ENOPH1: variants seen among roughly 807,000 people sequenced by gnomAD.
The protein encoded by ENOPH1 is enolase-phosphatase 1.
In ENOPH1, 14 loss-of-function variants were observed where a neutral mutation model predicts 31.1. That is an observed-to-expected ratio of 0.45 (90% CI 0.30 to 0.70). The LOEUF is 0.70. Among genes scored for constraint, ENOPH1 ranks in the 30% least tolerant of loss-of-function variants. ENOPH1 has a pLI of 0.09. For synonymous variants in ENOPH1, 127 were observed against 123.2 expected, an observed-to-expected ratio of 1.03 and a Z score of -0.21; for missense variants, 243 against 321.5, an observed-to-expected ratio of 0.76 and a Z score of 1.87.
intron 2 of ENOPH1, among the ~76,000 whole-genome samples, chr4:82,448,963 C>T (rs1722270954): frequency 6.8e-6 from 1 of 146,646 alleles, no homozygotes; most frequent in Non-Finnish European, 1.5e-5. Flanking sequence ...GAGGCTGAGG[C>T]AGGAGAATGG....
intron 1 of ENOPH1, among the ~76,000 whole-genome samples, chr4:82,433,788 A>G (rs1175740188): frequency 6.6e-6 from 1 of 152,234 alleles, no homozygotes; most frequent in Non-Finnish European, 1.5e-5. Flanking sequence ...TCACAAATCT[A>G]CTTGAACAAA....
chr4:82,449,682 A>G (rs1722296436), intron 2 of ENOPH1, among the ~76,000 whole-genome samples: 1 of 152,202 alleles, frequency 6.6e-6, no homozygotes, highest in South Asian at 2.1e-4. Flanking sequence ...TTACATTTCA[A>G]TGTGCAATTT....
chr4:82,439,459 G>A (rs1368179745), intron 1 of ENOPH1, among the ~76,000 whole-genome samples: 3 of 152,202 alleles, frequency 2.0e-5, no homozygotes, highest in Non-Finnish European at 4.4e-5. Flanking sequence ...GACTGGTCTT[G>A]TATGGGTCCA....
At chr4:82,431,837 C>G (rs1221811705) in intron 1 of ENOPH1, among the ~76,000 whole-genome samples, 1 of 152,042 alleles carries the variant, frequency 6.6e-6, no homozygotes, top group Non-Finnish European at 1.5e-5. Flanking sequence ...AAAAATCCAT[C>G]TTCCAAGAAA....
intron 1 of ENOPH1, among the ~76,000 whole-genome samples, chr4:82,441,133 G>A (rs1174997609): frequency 2.0e-5 from 3 of 152,204 alleles, no homozygotes; most frequent in Non-Finnish European, 2.9e-5. Context: ...AAAGCTTGGT[G>A]TATTAGTCTG....
chr4:82,443,410 C>CAA (rs141987709), intron 1 of ENOPH1, among the ~76,000 whole-genome samples: 1 of 139,544 alleles, frequency 7.2e-6, no homozygotes, highest in African/African-American at 2.6e-5. Context: ...GCACTCCGTC[C>CAA]AAAAAAAAAA....
At chr4:82,443,264 C>G (rs1208987816) in intron 1 of ENOPH1, among the ~76,000 whole-genome samples, 1 of 151,492 alleles carries the variant, frequency 6.6e-6, no homozygotes, top group Non-Finnish European at 1.5e-5. Context: ...TGGCGAAACC[C>G]CATCTCTACT....
At chr4:82,446,595 T>A (rs1722190044) in intron 1 of ENOPH1, among the ~76,000 whole-genome samples, 1 of 149,924 alleles carries the variant, frequency 6.7e-6, no homozygotes, top group Non-Finnish European at 1.5e-5. Context: ...GAAGCCTGAC[T>A]GGGAAAGAAA....
In ENOPH1 at chr4:82,460,416, C is replaced by A. The variant is rs532635883; in HGVS notation, c.*296C>A. 49 of 221,882 alleles carry A rather than the reference C, an allele frequency of 2.2e-4. No individual in the cohort carries two copies. The highest frequency in any genetic ancestry group is 1.0e-3 in the African/African-American group (45 of 44,214). The allele number at this position is 221,882 out of a possible 1,614,324, so 13.7% of individuals were successfully genotyped here. ...GTAGAAGAAATTGCTAAATACCTAT[C>A]TAATGTGCTATGTTTATCAAATCGT... is the stretch of plus-strand genomic sequence containing the variant. On this transcript the variant is annotated 3_prime_UTR_variant, in exon 6 of 6. Transcript: ENST00000273920.
At chr4:82,451,378 A>G (rs931408736) in intron 3 of ENOPH1, 133 bp downstream of exon 3, 15 of 882,588 alleles carry the variant, frequency 1.7e-5, no homozygotes, top group African/African-American at 1.5e-4. Context: ...TTAGTCTAAC[A>G]AGTGAGCTTT....
chr4:82,456,647 T>C (rs1722498635), intron 4 of ENOPH1, among the ~76,000 whole-genome samples: 1 of 152,234 alleles, frequency 6.6e-6, no homozygotes, highest in South Asian at 2.1e-4. Flanking sequence ...TTAAACTATT[T>C]CAGATGTAAA....
chr4:82,440,428 T>G (rs1371664747), intron 1 of ENOPH1, among the ~76,000 whole-genome samples: 1 of 152,210 alleles, frequency 6.6e-6, no homozygotes, highest in Non-Finnish European at 1.5e-5. Flanking sequence ...TGGGATTTGA[T>G]AGGCCTGGGT....
At chr4:82,451,364 C>G in intron 3 of ENOPH1, 119 bp downstream of exon 3, 1 of 962,582 alleles carries the variant, frequency 1.0e-6, no homozygotes, top group Non-Finnish European at 1.6e-6. Flanking sequence ...AATCCACACT[C>G]TTTTTAGTCT....
chr4:82,455,666 G>A (rs1722470533), intron 4 of ENOPH1, among the ~76,000 whole-genome samples: 1 of 151,818 alleles, frequency 6.6e-6, no homozygotes, highest in Non-Finnish European at 1.5e-5. Flanking sequence ...GGCACCTGTA[G>A]TCCCAGCTAC....
intron 1 of ENOPH1, among the ~76,000 whole-genome samples, chr4:82,442,226 A>G (rs1333471935): frequency 6.6e-6 from 1 of 152,188 alleles, no homozygotes; most frequent in African/African-American, 2.4e-5. Context: ...TTTTATTTAA[A>G]ACACTGTCAG....
At chr4:82,459,535 C>T (rs185938493) in intron 5 of ENOPH1, among the ~76,000 whole-genome samples, 3 of 152,076 alleles carry the variant, frequency 2.0e-5, no homozygotes, top group Non-Finnish European at 2.9e-5. Context: ...TCAAGTCTGG[C>T]GTTCAAGTGA....
Position 82,451,126 on chromosome 4 carries a change from C to G in ENOPH1, c.270C>G (p.Ile90Met). 6 of 1,614,158 alleles carry G rather than the reference C, an allele frequency of 3.7e-6. No individual in the cohort carries two copies. The highest frequency in any genetic ancestry group is 5.1e-6 in the Non-Finnish European group (6 of 1,180,038). Residue 90 changes from isoleucine (I) to methionine (M), a missense_variant, in exon 3 of 6, where the codon ATC becomes ATG. Transcript: ENST00000273920. ...GAGTGGATGATCTGCAACAGATGAT[C>G]CAGGCCGTGGTAGATAATGTGTGCT... ...GNGVDDLQQMIQAVVDNVCWQ... is the reference protein window; with the variant it reads ...GNGVDDLQQMMQAVVDNVCWQ...
chr4:82,455,799 T>A (rs893446303), intron 4 of ENOPH1, among the ~76,000 whole-genome samples: 1 of 151,126 alleles, frequency 6.6e-6, no homozygotes, highest in Admixed American at 6.7e-5. Flanking sequence ...AAAAAAAAAA[T>A]TTACTTATTT....
intron 5 of ENOPH1, 83 bp downstream of exon 5, chr4:82,457,121 C>A: frequency 8.0e-7 from 1 of 1,253,754 alleles, no homozygotes; most frequent in South Asian, 1.8e-5. Context: ...TTTAAAGAAA[C>A]TTTATATGGG....
Sources: allele counts gnomAD v4.1 joint callset (sites outside exome capture counted in the v4.1 genomes callset), GRCh38; gene constraint gnomAD v4.1.1; transcripts MANE v1.5; gene names NCBI Gene and HGNC (gene_info 2026-07-23, HGNC 2026-07-21).